The following NKX2-2 variants were observed in gnomAD, a reference collection of about 807,000 sequenced individuals.
NKX2-2 encodes homeobox protein Nkx-2.2.
A neutral mutation model predicts 24.6 loss-of-function variants in NKX2-2; 8 were observed. That is an observed-to-expected ratio of 0.32 (90% CI 0.19 to 0.59). The LOEUF (loss-of-function observed/expected upper bound fraction) is 0.59, where lower values mean the gene tolerates loss of function less well. NKX2-2 is among the 20% of genes least tolerant of loss of function. The pLI is 0.86. For missense variants in NKX2-2, 381 were observed against 373.9 expected, an observed-to-expected ratio of 1.02 and a Z score of -0.16; for synonymous variants, 217 against 173.3, an observed-to-expected ratio of 1.25 and a Z score of -1.98.
At chr20:21,520,731 C>A in the NKX2-2 span, among the ~76,000 whole-genome samples, 4 of 152,170 alleles carry the variant, frequency 2.6e-5, no homozygotes, top group African/African-American at 9.7e-5. Flanking sequence ...AACGCCACGT[C>A]CCCCTGGGCG....
At chr20:21,512,608 C>G in intron 1 of NKX2-2, 123 bp from the exon 2 acceptor site, 3 of 742,308 alleles carry the variant, frequency 4.0e-6, no homozygotes, top group Non-Finnish European at 6.4e-6. Context: ...AGCCCAGCCC[C>G]GCTGCCTTTG....
Position 21,512,248 on chromosome 20 carries a change from C to A in NKX2-2, c.497G>T (p.Arg166Leu), listed in dbSNP as rs781428459. 3.7e-6 allele frequency: 6 copies of A among 1,613,826 alleles called. No individual in the cohort carries two copies. The highest frequency in any genetic ancestry group is 4.2e-6 in the Non-Finnish European group (5 of 1,179,948). Reference sequence around the variant, plus strand: ...GATCTTGACCTGCGTGGGCGTGAGGCGGATGAGGCTGGCCAGGTGTTCGCG... The same window carrying A: ...GATCTTGACCTGCGTGGGCGTGAGGAGGATGAGGCTGGCCAGGTGTTCGCG... ...PEREHLASLIRLTPTQVKIWF... is the reference protein window; with the variant it reads ...PEREHLASLILLTPTQVKIWF... The change falls in exon 2 of 2, where the codon CGC becomes CTC. Residue 166 changes from arginine (R) to leucine (L), a missense_variant. Transcript: ENST00000377142.
chr20:21,517,899 C>T (rs1054303380), upstream of NKX2-2, among the ~76,000 whole-genome samples: 1 of 152,334 alleles, frequency 6.6e-6, no homozygotes, highest in South Asian at 2.1e-4. Context: ...CTCCCTTCCC[C>T]CTCCGGAGGG....
the NKX2-2 span, among the ~76,000 whole-genome samples, chr20:21,521,890 ACC>A: frequency 6.6e-6 from 1 of 151,210 alleles, no homozygotes; most frequent in Non-Finnish European, 1.5e-5. Context: ...ACCTACCCGG[ACC>A]CCCCTCGCTC....
chr20:21,514,663 G>C (rs1329789791), upstream of NKX2-2, among the ~76,000 whole-genome samples: 1 of 152,222 alleles, frequency 6.6e-6, no homozygotes, highest in Non-Finnish European at 1.5e-5. Context: ...AAGGGGGAGG[G>C]GGCGAAGGCC....
In NKX2-2 at chr20:21,513,659, G is replaced by C; in HGVS notation, c.11C>G (p.Thr4Ser). The C allele has an allele frequency of 6.4e-7, 1 of 1,571,892 alleles. No homozygotes were observed. The highest frequency in any genetic ancestry group is 8.6e-7 in the Non-Finnish European group (1 of 1,162,590). ...GACCGAAAACCCCGTCTTTGTGTTG[G>C]TCAGCGACATGGTTCGAGACCCCAA... MSL[T>S]NTKTGFSVKD... The change falls in exon 1 of 2, where the codon ACC (threonine) becomes AGC (serine). Residue 4 changes from threonine (T) to serine (S), a missense_variant. Physicochemically the swap from Thr to Ser is moderately conservative, Grantham distance 58 (BLOSUM62 1). This residue lies in a region of NKX2-2 where 206 missense variants were observed against 173.1 expected (regional missense o/e 1.19). Transcript: ENST00000377142. This position sits in a 1 kb window ranked among gnomAD's most constrained non-coding sequence, Gnocchi z 4.6.
chr20:21,519,884 C>G, the NKX2-2 span, among the ~76,000 whole-genome samples: 1 of 152,120 alleles, frequency 6.6e-6, no homozygotes, highest in Non-Finnish European at 1.5e-5. Context: ...GAGGCCAGAC[C>G]GTGCCCGGCA....
chr20:21,512,761 C>T (rs894328680), intron 1 of NKX2-2, among the ~76,000 whole-genome samples: 3 of 152,176 alleles, frequency 2.0e-5, no homozygotes, highest in African/African-American at 7.2e-5. Context: ...GGGGAAGTGG[C>T]ACTGAAGATC....
upstream of NKX2-2, among the ~76,000 whole-genome samples, chr20:21,515,484 C>A (rs1980609522): frequency 6.6e-6 from 1 of 152,184 alleles, no homozygotes; most frequent in African/African-American, 2.4e-5. Context: ...AAGTTTCCAG[C>A]CACTCTCGGC....
At chr20:21,515,647 C>A (rs1166098204), upstream of NKX2-2, among the ~76,000 whole-genome samples, 2 of 150,228 alleles carry the variant, frequency 1.3e-5, no homozygotes, top group East Asian at 4.0e-4. Flanking sequence ...TCGTTCGCCC[C>A]AGAGGAGTGT....
Position 21,513,411 on chromosome 20 carries a change from G to C in NKX2-2, c.259C>G (p.Leu87Val). The change falls in exon 1 of 2, where the codon CTG becomes GTG. Residue 87 changes from leucine (L) to valine (V), a missense_variant and splice_region_variant. Physicochemically the swap from Leu to Val is conservative, Grantham distance 32 (BLOSUM62 1). Around this residue, in one of 3 missense-constraint regions of NKX2-2, gnomAD observed 206 missense variants for 173.1 expected, o/e 1.19. Transcript: ENST00000377142. This position sits in a 1 kb window ranked among gnomAD's most constrained non-coding sequence, Gnocchi z 4.6. Reference sequence around the variant, plus strand: ...TCGGCAGCCAAGTTTTGCTACTTACGGGAGTACTGAAGGCCCTCGGTGCTG... The same window carrying C: ...TCGGCAGCCAAGTTTTGCTACTTACCGGAGTACTGAAGGCCCTCGGTGCTG... ...LASTEGLQYS[L>V]HGLAAGAPPQ... 4 of 1,550,476 alleles carry C rather than the reference G, an allele frequency of 2.6e-6. No homozygotes were observed. The highest frequency in any genetic ancestry group is 1.4e-5 in the African/African-American group (1 of 71,946).
At chr20:21,514,282 G>A (rs977804904), upstream of NKX2-2, among the ~76,000 whole-genome samples, 1 of 152,172 alleles carries the variant, frequency 6.6e-6, no homozygotes, top group African/African-American at 2.4e-5. Context: ...AGTGGATGAA[G>A]ACAGTATTTG....
At chr20:21,518,977 C>T (rs1371695547), upstream of NKX2-2, among the ~76,000 whole-genome samples, 2 of 152,146 alleles carry the variant, frequency 1.3e-5, no homozygotes, top group East Asian at 3.9e-4. Flanking sequence ...CAGGTACCTG[C>T]CCCCTGTCCT....
At chr20:21,518,729 T>G (rs1408978310), upstream of NKX2-2, among the ~76,000 whole-genome samples, 2 of 152,198 alleles carry the variant, frequency 1.3e-5, no homozygotes, top group Non-Finnish European at 2.9e-5. Context: ...CGCCTCAGCT[T>G]TACGCCCCCT....
At chr20:21,517,333 G>A (rs183983039), upstream of NKX2-2, among the ~76,000 whole-genome samples, 270 of 152,308 alleles carry the variant, frequency 1.8e-3, 5 homozygotes, top group Admixed American at 0.013. Context: ...TGGCCTGGGG[G>A]CAGCTGGGCA....
Position 21,513,093 on chromosome 20 carries a change from CG to C in NKX2-2, c.259+317del, listed in dbSNP as rs1980501696. On this transcript the variant is annotated intron_variant, in intron 1 of 1. Coordinates refer to ENST00000377142, the MANE Select transcript of NKX2-2 (RefSeq NM_002509.4). This position sits in a 1 kb window ranked among gnomAD's most constrained non-coding sequence, Gnocchi z 4.6. ...CCAGTCCCTCCCAGCGGCCGGAGTC[CG>C]GGGGCTGCGGCTGGAGCCATCGGTC... Among the ~76,000 whole-genome samples the C allele has an allele frequency of 6.6e-6, 1 of 151,888 alleles. No homozygotes were observed.
upstream of NKX2-2, among the ~76,000 whole-genome samples, chr20:21,517,442 T>C (rs1307299999): frequency 2.0e-5 from 3 of 152,198 alleles, no homozygotes; most frequent in Non-Finnish European, 4.4e-5. Context: ...TCGAGACTCA[T>C]TTCCCCATCA....
upstream of NKX2-2, among the ~76,000 whole-genome samples, chr20:21,517,232 C>G (rs954512209): frequency 3.9e-5 from 6 of 152,198 alleles, no homozygotes; most frequent in African/African-American, 1.2e-4. Context: ...GCACCTGAGG[C>G]GCCCACTTCC....
chr20:21,515,329 G>A (rs1210004938), upstream of NKX2-2, among the ~76,000 whole-genome samples: 1 of 152,122 alleles, frequency 6.6e-6, no homozygotes, highest in Non-Finnish European at 1.5e-5. Flanking sequence ...GCGGGGGAGG[G>A]GGGTCGCTGG....
Sources: allele counts gnomAD v4.1 joint callset (sites outside exome capture counted in the v4.1 genomes callset), GRCh38; gene constraint gnomAD v4.1.1; regional missense constraint gnomAD v4.1.1; non-coding constraint Gnocchi (gnomAD v3.1); transcripts MANE v1.5; gene names NCBI Gene and HGNC (gene_info 2026-07-23, HGNC 2026-07-21).